The following CFAP57 variants were observed in gnomAD, a reference collection of about 807,000 sequenced individuals.
The protein encoded by CFAP57 is cilia- and flagella-associated protein 57.
A neutral mutation model predicts 146.8 loss-of-function variants in CFAP57; 116 were observed. The ratio of observed to expected loss-of-function variants is 0.79; its 90% CI spans 0.68 to 0.92. CFAP57 has a LOEUF of 0.92. Ranked by LOEUF, CFAP57 falls within the 40% of genes least tolerant of loss-of-function variation. CFAP57 has a pLI of 0.00. For synonymous variants in CFAP57, 518 were observed against 552.8 expected (o/e 0.94, Z 0.88); for missense variants, 1,377 against 1,527.2 (o/e 0.90, Z 1.64).
intron 21 of CFAP57, among the ~76,000 whole-genome samples, chr1:43,237,625 T>TA (rs1361426163): frequency 1.3e-5 from 2 of 152,008 alleles, no homozygotes; most frequent in African/African-American, 4.8e-5. Context: ...GAAGGGTGAG[T>TA]AGAGGTTGAT....
At chr1:43,231,083 C>T (rs1385156900) in intron 18 of CFAP57, among the ~76,000 whole-genome samples, 3 of 152,214 alleles carry the variant, frequency 2.0e-5, no homozygotes, top group Non-Finnish European at 2.9e-5. Context: ...CTATTGCTCT[C>T]CTTTGTCCAC....
At chr1:43,199,557 G>A (rs1038075755) in intron 9 of CFAP57, 54 bp downstream of exon 9, 62 of 1,486,344 alleles carry the variant, frequency 4.2e-5, no homozygotes, top group Non-Finnish European at 5.3e-5. Context: ...CAAGTATGCC[G>A]CCAGCCAGTG....
chr1:43,210,251 T>C, intron 11 of CFAP57: 1 of 1,475,134 alleles, frequency 6.8e-7, no homozygotes, highest in African/African-American at 1.4e-5. Context: ...CTCCAGAGAA[T>C]GCCCCAGACT....
intron 22 of CFAP57, among the ~76,000 whole-genome samples, chr1:43,246,420 T>C (rs888584695): frequency 3.0e-4 from 46 of 152,234 alleles, no homozygotes; most frequent in Non-Finnish European, 1.0e-4. Flanking sequence ...GATCATTTAG[T>C]AGGGAAAGGA....
rs1415707241 is a variant in CFAP57 at position 43,229,111 on chromosome 1, C to G, written c.3009+1985C>G. Among the ~76,000 whole-genome samples the G allele has an allele frequency of 1.3e-5, 2 of 149,108 alleles. 1 individual carries two copies. Among genetic ancestry groups the G allele is most frequent in the East Asian group, 4.1e-4 (2 of 4,822 alleles). ...CAGCCTGAGAAGATGAGAGGAAGAGCAGAGGCCCCACCCACCTGGAGGGCC... is the reference window on the plus strand; with the variant it reads ...CAGCCTGAGAAGATGAGAGGAAGAGGAGAGGCCCCACCCACCTGGAGGGCC... On this transcript the variant is annotated intron_variant, in intron 18 of 22. Coordinates refer to ENST00000372492, the MANE Select transcript of CFAP57 (RefSeq NM_001378189.1).
chr1:43,204,824 C>T (rs1644289422), intron 9 of CFAP57, among the ~76,000 whole-genome samples: 1 of 152,174 alleles, frequency 6.6e-6, no homozygotes, highest in Admixed American at 6.5e-5. Context: ...TGACCCCTTT[C>T]TGATTGTTCA....
At position 43,219,446 on chromosome 1, in the gene CFAP57, T is replaced by G. The variant is rs569334705; in HGVS notation, c.2156T>G (p.Leu719Arg). 169 of 1,550,618 alleles carry G rather than the reference T, an allele frequency of 1.1e-4. No homozygotes were observed. The African/African-American group carries it at 2.1e-3, about 19-fold the overall frequency. The change falls in exon 13 of 23, where the codon CTC (leucine) becomes CGC (arginine). Residue 719 changes from leucine (L) to arginine (R), a missense_variant. By Grantham distance (102) the Leu-to-Arg change is moderately radical. Coordinates refer to ENST00000372492, the MANE Select transcript of CFAP57 (RefSeq NM_001378189.1). ...TTAAAAATGGAGAATGAGTATCAAC[T>G]CCGACTAAAGGACATGAACTATTCT... is the stretch of plus-strand genomic sequence containing the variant. ...EELKMENEYQ[L>R]RLKDMNYSEK...
rs891274548 is a variant in CFAP57, at chr1:43,185,037, T to C, written c.762-112T>C. On this transcript the variant is annotated intron_variant, in intron 4 of 22. Transcript: ENST00000372492. ...TAGTATTTGACTGTGGAAAAGGGGA[T>C]CATTGGGTGGTTTCTGTCACACCCA... is the stretch of plus-strand genomic sequence containing the variant. The C allele has an allele frequency of 2.3e-5, 27 of 1,149,736 alleles. No individual in the cohort carries two copies. The African/African-American group carries it at 3.8e-4, about 16-fold the overall frequency. 71.2% of individuals were successfully genotyped at this position (1,149,736 alleles called of 1,614,324 possible). A position where few individuals can be genotyped will look rare whatever the true frequency, so the allele number is the denominator to read the frequency against.
intron 21 of CFAP57, among the ~76,000 whole-genome samples, chr1:43,236,613 A>AAAAG: frequency 1.3e-5 from 2 of 149,500 alleles, no homozygotes; most frequent in African/African-American, 2.4e-5. Flanking sequence ...AAAAAAAAAA[A>AAAAG]AAAAGGCAAT....
chr1:43,210,710 T>C (rs569013310), intron 11 of CFAP57: 1 of 153,492 alleles, frequency 6.5e-6, no homozygotes, highest in South Asian at 2.1e-4. Context: ...AGAGTTTTGG[T>C]TTTACAAGAC....
At chr1:43,240,910 C>T (rs1570328493) in intron 21 of CFAP57, among the ~76,000 whole-genome samples, 2 of 152,348 alleles carry the variant, frequency 1.3e-5, no homozygotes, top group East Asian at 3.9e-4. Flanking sequence ...TCTCGGCTCA[C>T]TGCAAGCTCC....
At chr1:43,232,071 C>G (rs1645494498) in intron 18 of CFAP57, 1 of 701,586 alleles carries the variant, frequency 1.4e-6, no homozygotes. Context: ...TTTAGAATGA[C>G]CCCATTCTAA....
chr1:43,235,396 C>T (rs1448668590), intron 21 of CFAP57, among the ~76,000 whole-genome samples: 2 of 152,210 alleles, frequency 1.3e-5, no homozygotes, highest in African/African-American at 4.8e-5. Flanking sequence ...CAAAAGGGAA[C>T]ATCAGAATCA....
intron 1 of CFAP57, 35 bp downstream of exon 1, chr1:43,172,488 C>T: frequency 6.7e-7 from 1 of 1,485,506 alleles, no homozygotes; most frequent in East Asian, 2.7e-5. Context: ...CCAGAAGGAG[C>T]TGGTAGCAGT....
intron 11 of CFAP57, chr1:43,210,909 A>T (rs1365775823): frequency 6.7e-6 from 1 of 149,900 alleles, no homozygotes; most frequent in Non-Finnish European, 1.5e-5. Context: ...AATCATAGCC[A>T]ATAGTAAATT....
Position 43,209,351 on chromosome 1 carries a change from G to A in CFAP57, c.1756-392G>A, listed in dbSNP as rs140782554. ...AGCCCACCCAGGTACATGAGTTGAA[G>A]CAAATGCCTTTCACACAGATGGTCC... is the stretch of plus-strand genomic sequence containing the variant. On this transcript the variant is annotated intron_variant, in intron 10 of 22. Coordinates refer to ENST00000372492, the MANE Select transcript of CFAP57 (RefSeq NM_001378189.1). Among the ~76,000 whole-genome samples the A allele has an allele frequency of 1.3e-3, 192 of 152,316 alleles. 2 individuals are homozygous for A. Among genetic ancestry groups the A allele is most frequent in the Middle Eastern group, 0.01 (3 of 294 alleles).
Position 43,238,713 on chromosome 1 carries a change from G to A in CFAP57, c.3405+4075G>A, listed in dbSNP as rs1192425490. ...GTAGCCCAACTTATACTTATTGGGA[G>A]TGTCCTTGGCCATCATACTATGTGA... On this transcript the variant is annotated intron_variant, in intron 21 of 22. Transcript: ENST00000372492. The surrounding 1 kb of genome is among the most constrained non-coding windows in gnomAD (Gnocchi z 4.3). Among the ~76,000 whole-genome samples, 1 of 152,178 alleles carries A rather than the reference G, an allele frequency of 6.6e-6. No individual in the cohort carries two copies. The highest frequency in any genetic ancestry group is 2.4e-5 in the African/African-American group (1 of 41,442).
chr1:43,172,484 G>A, intron 1 of CFAP57, 31 bp downstream of exon 1: 1 of 1,537,166 alleles, frequency 6.5e-7, no homozygotes, highest in Non-Finnish European at 8.8e-7. Flanking sequence ...GTCGCCAGAA[G>A]GAGCTGGTAG....
chr1:43,179,787 A>AT (rs1645314624), intron 2 of CFAP57, among the ~76,000 whole-genome samples: 1 of 152,220 alleles, frequency 6.6e-6, no homozygotes, highest in South Asian at 2.1e-4. Flanking sequence ...TATATCTGAG[A>AT]TTGAGTTTAT....
Sources: allele counts gnomAD v4.1 joint callset (sites outside exome capture counted in the v4.1 genomes callset), GRCh38; gene constraint gnomAD v4.1.1; non-coding constraint Gnocchi (gnomAD v3.1); transcripts MANE v1.5; gene names NCBI Gene and HGNC (gene_info 2026-07-23, HGNC 2026-07-21).